Variants in TEX2 observed in about 807,000 individuals in gnomAD.
TEX2 encodes testis expressed 2.
TEX2 carries 53 observed loss-of-function variants against 106.9 expected under a neutral mutation model. The ratio of observed to expected loss-of-function variants is 0.50; its 90% CI spans 0.40 to 0.62. The LOEUF (loss-of-function observed/expected upper bound fraction) is 0.62, where lower values mean the gene tolerates loss of function less well. Ranked by LOEUF, TEX2 falls within the 20% of genes least tolerant of loss-of-function variation. TEX2 has a pLI of 0.00. For synonymous variants in TEX2, 523 were observed against 534.8 expected, an observed-to-expected ratio of 0.98 and a Z score of 0.30; for missense variants, 1,207 against 1,379.0, an observed-to-expected ratio of 0.88 and a Z score of 1.98.
intron 1 of TEX2, among the ~76,000 whole-genome samples, chr17:64,225,077 G>A (rs1315944057): frequency 2.6e-5 from 4 of 151,854 alleles, no homozygotes; most frequent in African/African-American, 7.3e-5. Context: ...TACTTATCAA[G>A]TAAAGAAGTC....
At chr17:64,230,886 G>A (rs2033640761) in intron 1 of TEX2, 1 of 152,208 alleles carries the variant, frequency 6.6e-6, no homozygotes, top group African/African-American at 2.4e-5. Context: ...TTAAAGTCAA[G>A]GAAAGCAAAC....
At chr17:64,216,799 T>C (rs1164062947) in intron 1 of TEX2, among the ~76,000 whole-genome samples, 2 of 152,106 alleles carry the variant, frequency 1.3e-5, no homozygotes, top group Non-Finnish European at 2.9e-5. Flanking sequence ...TTGGGCCCCC[T>C]GACTGGCCAG....
rs1164651050 is a variant in TEX2 at position 64,185,100 on chromosome 17, C to T, written c.2424+3068G>A. On this transcript the variant is annotated intron_variant, in intron 5 of 11. Transcript: ENST00000584379. The surrounding 1 kb of genome is among the most constrained non-coding windows in gnomAD (Gnocchi z 4.0). The stretch of plus-strand genomic sequence containing the variant: ...ATTCTCATCTTCTGATAACACCAAA[C>T]AGGTAATAATATCTTGTAATCCAGT... 6.6e-6 allele frequency among the ~76,000 whole-genome samples: 1 copy of T among 152,170 alleles called. No individual in the cohort carries two copies. The highest frequency in any genetic ancestry group is 2.4e-5 in the African/African-American group (1 of 41,440).
intron 11 of TEX2, 121 bp downstream of exon 11, chr17:64,150,720 G>T: frequency 1.9e-6 from 2 of 1,071,554 alleles, no homozygotes; most frequent in Non-Finnish European, 2.6e-6. Flanking sequence ...ATACTCTTCC[G>T]GGATGAAGGT....
chr17:64,262,309 C>T (rs144744248), intron 1 of TEX2, among the ~76,000 whole-genome samples: 15 of 152,362 alleles, frequency 9.8e-5, no homozygotes, highest in Admixed American at 9.8e-4. Flanking sequence ...TGGAAACAGA[C>T]TTTGCCCTTA....
rs2033115582 is a variant in TEX2, at chr17:64,214,119, G to A, written c.99C>T (p.Thr33=). ...CGGATGCCGAGAAGTGAATGGCGAT[G>A]GTATCTCGGGACACGGACCTCTGCA... ...VHVQRSVSRD[T]IAIHFSASGE... is the part of the protein sequence containing the mutation. The change falls in exon 2 of 12, where the codon ACC becomes ACT. Residue 33 remains threonine, a synonymous_variant. Coordinates refer to ENST00000584379, the MANE Select transcript of TEX2 (RefSeq NM_001288732.2). 1 of 1,614,146 alleles carries A rather than the reference G, an allele frequency of 6.2e-7. No individual in the cohort carries two copies. Among genetic ancestry groups the A allele is most frequent in the East Asian group, 2.2e-5 (1 of 44,876 alleles).
intron 4 of TEX2, among the ~76,000 whole-genome samples, chr17:64,190,216 T>C (rs1216080838): frequency 6.6e-6 from 1 of 152,180 alleles, no homozygotes; most frequent in Admixed American, 6.5e-5. Context: ...TATACCGTTT[T>C]CATGTTTAGC....
In TEX2 at chr17:64,237,280, G is replaced by A. The variant is rs539740998; in HGVS notation, c.-25-23038C>T. Among the ~76,000 whole-genome samples the A allele has an allele frequency of 3.2e-4, 48 of 152,138 alleles. 1 individual carries two copies. Among genetic ancestry groups the A allele is most frequent in the African/African-American group, 1.1e-3 (47 of 41,514 alleles). On this transcript the variant is annotated intron_variant, in intron 1 of 11. Coordinates refer to ENST00000584379, the MANE Select transcript of TEX2 (RefSeq NM_001288732.2). ...TGGGGGAATCTGAAGCAGCTTCTCGGGGGTGAGTATTATACACACAGTATG... is the reference window on the plus strand; with the variant it reads ...TGGGGGAATCTGAAGCAGCTTCTCGAGGGTGAGTATTATACACACAGTATG...
In TEX2 at chr17:64,227,262, C is replaced by T. The variant is rs1003807475; in HGVS notation, c.-25-13020G>A. Among the ~76,000 whole-genome samples, 27 of 149,314 alleles carry T rather than the reference C, an allele frequency of 1.8e-4. 1 individual carries two copies. The highest frequency in any genetic ancestry group is 3.6e-4 in the Non-Finnish European group (24 of 67,280). On this transcript the variant is annotated intron_variant, in intron 1 of 11. Coordinates refer to ENST00000584379, the MANE Select transcript of TEX2 (RefSeq NM_001288732.2). Reference sequence around the variant, plus strand: ...AAAGAAAATGACATCAATATGGGGGCAAAAAATCCCTAGAATAAGTAATGA... The same window carrying T: ...AAAGAAAATGACATCAATATGGGGGTAAAAAATCCCTAGAATAAGTAATGA...
At chr17:64,179,241 T>C (rs1049227951) in intron 5 of TEX2, among the ~76,000 whole-genome samples, 7 of 152,096 alleles carry the variant, frequency 4.6e-5, no homozygotes, top group Non-Finnish European at 8.8e-5. Flanking sequence ...CAGTGCCCTA[T>C]AAAACGCACC....
At chr17:64,165,619 C>A (rs533702557) in intron 7 of TEX2, among the ~76,000 whole-genome samples, 12 of 152,296 alleles carry the variant, frequency 7.9e-5, no homozygotes, top group African/African-American at 2.4e-4. Flanking sequence ...GAGGAGTGGG[C>A]AAGTCATGAC....
At chr17:64,199,250 T>G (rs193044518) in intron 2 of TEX2, among the ~76,000 whole-genome samples, 26 of 150,966 alleles carry the variant, frequency 1.7e-4, no homozygotes, top group African/African-American at 6.3e-4. Flanking sequence ...TTACTTTATT[T>G]TTTTGAGATG....
chr17:64,206,361 G>A (rs138114727), intron 2 of TEX2, among the ~76,000 whole-genome samples: 17 of 152,164 alleles, frequency 1.1e-4, no homozygotes, highest in Non-Finnish European at 2.2e-4. Context: ...TTTTGGTATT[G>A]GCCTTTGTGC....
intron 7 of TEX2, among the ~76,000 whole-genome samples, chr17:64,162,258 G>T (rs1434762144): frequency 1.3e-5 from 2 of 152,036 alleles, no homozygotes; most frequent in Non-Finnish European, 2.9e-5. Context: ...GGAAATAAAG[G>T]GTATATCTGC....
Position 64,168,294 on chromosome 17 carries a change from C to G in TEX2, c.2671+2806G>C, listed in dbSNP as rs561394650. On this transcript the variant is annotated intron_variant, in intron 7 of 11. Transcript: ENST00000584379. ...TCATCATACATGCATCATTTGTGGA[C>G]TTGGAAAAACCTGATTTGATCAAAC... 4.6e-5 allele frequency among the ~76,000 whole-genome samples: 7 copies of G among 152,286 alleles called. No homozygotes were observed. In the South Asian group the frequency reaches 1.5e-3, roughly 32 times the overall value.
At chr17:64,202,473 G>T (rs1200115255) in intron 2 of TEX2, among the ~76,000 whole-genome samples, 2 of 152,134 alleles carry the variant, frequency 1.3e-5, no homozygotes, top group Non-Finnish European at 2.9e-5. Context: ...ATCACCTTTT[G>T]ATACCATTAA....
chr17:64,206,283 G>A (rs1322079870), intron 2 of TEX2, among the ~76,000 whole-genome samples: 3 of 152,202 alleles, frequency 2.0e-5, no homozygotes, highest in Non-Finnish European at 2.9e-5. Context: ...TGGCACACAC[G>A]AGGCTCTTTG....
intron 1 of TEX2, among the ~76,000 whole-genome samples, chr17:64,252,039 C>G (rs1388156585): frequency 6.6e-6 from 1 of 152,148 alleles, no homozygotes; most frequent in African/African-American, 2.4e-5. Flanking sequence ...AATACTCCAA[C>G]CTTAAGGTCT....
intron 1 of TEX2, among the ~76,000 whole-genome samples, chr17:64,259,791 A>G (rs1382695770): frequency 1.3e-5 from 2 of 152,234 alleles, no homozygotes; most frequent in Non-Finnish European, 2.9e-5. Flanking sequence ...ACCTATAAAT[A>G]ATATACTACC....
Sources: gnomAD v4.1 joint callset for allele counts (sites outside exome capture counted in the v4.1 genomes callset) on GRCh38, gnomAD v4.1.1 for gene constraint, Gnocchi (gnomAD v3.1) non-coding constraint, MANE v1.5 for transcripts, NCBI Gene and HGNC (gene_info 2026-07-23, HGNC 2026-07-21) for gene names.